The following NKD1 variants were observed in gnomAD, a reference collection of about 807,000 sequenced individuals.
NKD1 encodes NKD inhibitor of Wnt signaling pathway 1.
In NKD1, 21 loss-of-function variants were observed where a neutral mutation model predicts 56.0. The ratio of observed to expected loss-of-function variants is 0.38; its 90% confidence interval spans 0.27 to 0.54. NKD1 has a LOEUF of 0.54. Ranked by LOEUF, NKD1 falls within the 20% of genes least tolerant of loss-of-function variation. The pLI is 0.82. For missense variants in NKD1, 578 were observed against 642.7 expected, an observed-to-expected ratio of 0.90 and a Z score of 1.09; for synonymous variants, 263 against 265.7, an observed-to-expected ratio of 0.99 and a Z score of 0.10.
chr16:50,640,620 G>T lies in NKD1; in HGVS notation c.*6839G>T, dbSNP rs1038817560. ...AATGAGTGATCAAGGGAGGGAGGAG[G>T]GAGTGGAGTGGAGATTTCTCATCCT... is the stretch of plus-strand genomic sequence containing the variant. On this transcript the variant is annotated 3_prime_UTR_variant, in exon 10 of 10. Transcript: ENST00000268459. The T allele has an allele frequency of 6.6e-6, 1 of 152,168 alleles. No homozygotes were observed. The highest frequency in any genetic ancestry group is 6.5e-5 in the Admixed American group (1 of 15,282). The allele number at this position is 152,168 out of a possible 1,614,324, so 9.4% of individuals were successfully genotyped here.
In NKD1 at chr16:50,632,055, G is replaced by A. The variant is rs1962357219; in HGVS notation, c.696-226G>A. The stretch of plus-strand genomic sequence containing the variant: ...CCGTCCACTCCTCCCAGAAGCTGCG[G>A]GGAGGTCGGGCTGTGGGCTGTGGTC... On this transcript the variant is annotated intron_variant, in intron 8 of 9. Transcript: ENST00000268459. This position sits in a 1 kb window ranked among gnomAD's most constrained non-coding sequence, Gnocchi z 4.1. Among the ~76,000 whole-genome samples the A allele has an allele frequency of 6.6e-6, 1 of 152,232 alleles. No homozygotes were observed. The highest frequency in any genetic ancestry group is 1.5e-5 in the Non-Finnish European group (1 of 68,040).
intron 3 of NKD1, among the ~76,000 whole-genome samples, chr16:50,563,193 A>G (rs963413977): frequency 1.7e-4 from 26 of 152,376 alleles, no homozygotes; most frequent in Middle Eastern, 3.4e-3. Flanking sequence ...TTAAATGTGA[A>G]CTTAAATAGC....
At chr16:50,551,874 TG>T (rs775458439) in intron 3 of NKD1, 1 of 152,172 alleles carries the variant, frequency 6.6e-6, no homozygotes, top group Non-Finnish European at 1.5e-5. Flanking sequence ...ATTGTGAATG[TG>T]GGAATGGAAT....
chr16:50,596,008 C>A (rs1315992448), intron 3 of NKD1, among the ~76,000 whole-genome samples: 1 of 152,224 alleles, frequency 6.6e-6, no homozygotes, highest in Non-Finnish European at 1.5e-5. Context: ...CCCCTGAGCC[C>A]CCGATGACAG....
chr16:50,572,909 C>T (rs376162333), intron 3 of NKD1: 12 of 981,188 alleles, frequency 1.2e-5, no homozygotes, highest in Admixed American at 6.2e-5. Flanking sequence ...TGACCTGCCC[C>T]GTGCAGAAGA....
chr16:50,608,141 G>A, intron 3 of NKD1, 153 bp from the exon 4 acceptor site: 1 of 684,184 alleles, frequency 1.5e-6, no homozygotes. Context: ...ACCCACCTTG[G>A]CACTTAACTT....
chr16:50,608,326 C>T lies in NKD1; in HGVS notation c.225C>T (p.Leu75=), dbSNP rs1274532922. ...TGGGCGACGTGTTGAGAGACACGCT[C>T]AGCGAGGAAGAGGAGGACGACTTTC... The part of the protein sequence containing the change: ...ELVGDVLRDT[L]SEEEEDDFRL... The change falls in exon 4 of 10, where the codon CTC becomes CTT. Residue 75 remains leucine, a synonymous_variant. Transcript: ENST00000268459. 2 of 1,613,554 alleles carry T rather than the reference C, an allele frequency of 1.2e-6. No homozygotes were observed. The highest frequency in any genetic ancestry group is 1.7e-6 in the Non-Finnish European group (2 of 1,179,766).
In NKD1 at chr16:50,573,862, G is replaced by A. The variant is rs1156247272; in HGVS notation, c.192+24307G>A. 3 of 985,302 alleles carry A rather than the reference G, an allele frequency of 3.0e-6. No individual in the cohort carries two copies. In the East Asian group the frequency reaches 3.4e-4, roughly 112 times the overall value. The allele number at this position is 985,302 out of a possible 1,614,324, so 61.0% of individuals were successfully genotyped here. On this transcript the variant is annotated intron_variant, in intron 3 of 9. Transcript: ENST00000268459. ...CTCAGCCACAGGGGCTGAGAGGGGA[G>A]CAGGGGCGGGGGTGAGGGTGCTGAG...
intron 3 of NKD1, among the ~76,000 whole-genome samples, chr16:50,567,391 C>T (rs1960784785): frequency 6.6e-6 from 1 of 152,250 alleles, no homozygotes; most frequent in East Asian, 1.9e-4. Flanking sequence ...TGCCGTTTGT[C>T]AGAAGAAGAT....
At chr16:50,596,686 A>C (rs1961478816) in intron 3 of NKD1, among the ~76,000 whole-genome samples, 1 of 152,254 alleles carries the variant, frequency 6.6e-6, no homozygotes, top group South Asian at 2.1e-4. Flanking sequence ...ACGCTGGTCG[A>C]GTGCCTCCGC....
intron 5 of NKD1, among the ~76,000 whole-genome samples, chr16:50,622,580 A>G (rs146793774): frequency 1.1e-4 from 16 of 152,212 alleles, no homozygotes; most frequent in African/African-American, 3.6e-4. Context: ...TACACTTAGT[A>G]GCTCTGAGAC....
intron 3 of NKD1, chr16:50,566,254 C>T: frequency 1.2e-6 from 1 of 820,912 alleles, no homozygotes. Flanking sequence ...TCAGTTACAG[C>T]TGGATCCACC....
chr16:50,549,194 TAC>T (rs1358730286), intron 2 of NKD1, among the ~76,000 whole-genome samples: 1 of 150,930 alleles, frequency 6.6e-6, no homozygotes, highest in African/African-American at 2.4e-5. Context: ...CCTCCTGGGG[TAC>T]TGCTCACCCC....
chr16:50,618,974 A>G (rs1962027037), intron 4 of NKD1, among the ~76,000 whole-genome samples: 1 of 152,180 alleles, frequency 6.6e-6, no homozygotes, highest in Non-Finnish European at 1.5e-5. Flanking sequence ...AGTGCTCCAG[A>G]GGAGGAGAGA....
At chr16:50,612,884 T>G (rs2357621) in intron 4 of NKD1, among the ~76,000 whole-genome samples, 20,440 of 152,068 alleles carry the variant, frequency 0.13, 3,783 homozygotes, top group African/African-American at 0.42. Flanking sequence ...TTTAAGAAGT[T>G]AATTCTGGCT....
chr16:50,605,135 G>A (rs1411131467), intron 3 of NKD1, among the ~76,000 whole-genome samples: 3 of 152,184 alleles, frequency 2.0e-5, no homozygotes, highest in Non-Finnish European at 4.4e-5. Context: ...GTGATCCAAA[G>A]GGGGTCTCAC....
intron 7 of NKD1, 114 bp from the exon 8 acceptor site, chr16:50,630,712 T>C: frequency 1.1e-6 from 1 of 873,396 alleles, no homozygotes; most frequent in Non-Finnish European, 1.7e-6. Context: ...TAGCCCCAGC[T>C]CAGGGAACCC....
chr16:50,561,308 G>T (rs1199357284), intron 3 of NKD1, among the ~76,000 whole-genome samples: 1 of 151,772 alleles, frequency 6.6e-6, no homozygotes, highest in Non-Finnish European at 1.5e-5. Context: ...TAGCTATGAG[G>T]TATCTATTAT....
chr16:50,551,765 C>T (rs1960391544), intron 3 of NKD1: 1 of 151,706 alleles, frequency 6.6e-6, no homozygotes, highest in Non-Finnish European at 1.5e-5. Flanking sequence ...ACATCAAACC[C>T]ATGATTTTGC....
Sources: allele counts gnomAD v4.1 joint callset (sites outside exome capture counted in the v4.1 genomes callset), GRCh38; gene constraint gnomAD v4.1.1; non-coding constraint Gnocchi (gnomAD v3.1); transcripts MANE v1.5; gene names NCBI Gene and HGNC (gene_info 2026-07-23, HGNC 2026-07-21).